Variants in PITPNC1 observed in about 807,000 individuals in gnomAD.
PITPNC1 encodes phosphatidylinositol transfer protein cytoplasmic 1, also known as cytoplasmic phosphatidylinositol transfer protein 1.
A neutral mutation model predicts 44.7 loss-of-function variants in PITPNC1; 18 were observed. The ratio of observed to expected loss-of-function variants is 0.40; its 90% confidence interval spans 0.28 to 0.60. The LOEUF is 0.60. PITPNC1 is among the 20% of genes least tolerant of loss of function. The probability of loss-of-function intolerance (pLI) is 0.39; values close to 1 mark genes in which losing one functional copy is unlikely to be tolerated. For synonymous variants in PITPNC1, 141 were observed against 149.6 expected, an observed-to-expected ratio of 0.94 and a Z score of 0.42; for missense variants, 290 against 418.4, an observed-to-expected ratio of 0.69 and a Z score of 2.68.
intron 6 of PITPNC1, among the ~76,000 whole-genome samples, chr17:67,649,534 CTG>C (rs67611020): frequency 0.055 from 8,435 of 152,260 alleles, 775 homozygotes; most frequent in African/African-American, 0.19. Flanking sequence ...CAATTAGACA[CTG>C]TCTATCTGGA....
chr17:67,477,429 G>C (rs2039646099), intron 1 of PITPNC1, among the ~76,000 whole-genome samples: 1 of 152,044 alleles, frequency 6.6e-6, no homozygotes, highest in Non-Finnish European at 1.5e-5. Flanking sequence ...ATTTTTAGTA[G>C]AGATGGGGTT....
chr17:67,569,981 G>T (rs1260413627), intron 4 of PITPNC1, among the ~76,000 whole-genome samples: 2 of 152,166 alleles, frequency 1.3e-5, no homozygotes, highest in Non-Finnish European at 2.9e-5. Context: ...GGTGGAGAGG[G>T]ACAGAAATGA....
In PITPNC1 at chr17:67,645,928, CA is replaced by C. The variant is rs1298078061; in HGVS notation, c.462+13691del. 2.0e-5 allele frequency among the ~76,000 whole-genome samples: 3 copies of C among 152,206 alleles called. No individual in the cohort carries two copies. In the East Asian group the frequency reaches 5.8e-4, roughly 29 times the overall value. ...TCACTTGAGGCCAAGAGTTCGAGAC[CA>C]GCCTGGCCAACCTGGCAAAAGCCTG... On this transcript the variant is annotated intron_variant, in intron 6 of 8. Coordinates refer to ENST00000581322, the MANE Select transcript of PITPNC1 (RefSeq NM_012417.4).
chr17:67,618,447 G>A (rs1464195127), intron 5 of PITPNC1, among the ~76,000 whole-genome samples: 1 of 149,516 alleles, frequency 6.7e-6, no homozygotes, highest in Non-Finnish European at 1.5e-5. Context: ...TGCATTTTTC[G>A]AATTAAAAAC....
chr17:67,554,824 C>T (rs763104620), intron 4 of PITPNC1, among the ~76,000 whole-genome samples: 2 of 152,196 alleles, frequency 1.3e-5, no homozygotes, highest in African/African-American at 4.8e-5. Context: ...CACTCACTGC[C>T]AGAATTCCTA....
chr17:67,447,233 G>A (rs561150719), intron 1 of PITPNC1, among the ~76,000 whole-genome samples: 12 of 151,812 alleles, frequency 7.9e-5, no homozygotes, highest in South Asian at 6.2e-4. Flanking sequence ...CCCCTAGCTC[G>A]TTCCTTGGAA....
chr17:67,398,107 A>C (rs1030393183), intron 1 of PITPNC1, among the ~76,000 whole-genome samples: 2 of 152,074 alleles, frequency 1.3e-5, no homozygotes, highest in Non-Finnish European at 1.5e-5. Context: ...AAAAAAAAAA[A>C]AAAAGTGTTC....
intron 6 of PITPNC1, among the ~76,000 whole-genome samples, chr17:67,660,698 A>G (rs1357096388): frequency 6.6e-6 from 1 of 151,734 alleles, no homozygotes; most frequent in Non-Finnish European, 1.5e-5. Context: ...GGCACATGCC[A>G]CCACACCTGG....
At chr17:67,671,927 A>ATTATT (rs1238427860) in intron 7 of PITPNC1, among the ~76,000 whole-genome samples, 1 of 151,646 alleles carries the variant, frequency 6.6e-6, no homozygotes, top group Non-Finnish European at 1.5e-5. Context: ...CTATCATAGT[A>ATTATT]TTATTTTGTT....
rs1040359583 is a variant in PITPNC1 at position 67,696,424 on chromosome 17, C to T, written c.*3536C>T. On this transcript the variant is annotated 3_prime_UTR_variant, in exon 9 of 9. Coordinates refer to ENST00000581322, the MANE Select transcript of PITPNC1 (RefSeq NM_012417.4). The stretch of plus-strand genomic sequence containing the variant: ...GGCTTACGTCGATAGGAATTTTACT[C>T]TTAAGAAGGGCCAGTGTATAGCTGA... The T allele has an allele frequency of 6.6e-6, 1 of 152,172 alleles. No individual in the cohort carries two copies. Among genetic ancestry groups the T allele is most frequent in the Non-Finnish European group, 1.5e-5 (1 of 68,042 alleles). The allele number at this position is 152,172 out of a possible 1,614,324, so 9.4% of individuals were successfully genotyped here. A position where few individuals can be genotyped will look rare whatever the true frequency, so the allele number is the denominator to read the frequency against.
intron 6 of PITPNC1, among the ~76,000 whole-genome samples, chr17:67,644,331 A>T (rs2042122619): frequency 6.6e-6 from 1 of 152,162 alleles, no homozygotes; most frequent in Admixed American, 6.5e-5. Flanking sequence ...CAAAGAAGGA[A>T]GCAAGAGCTG....
chr17:67,671,911 G>A (rs2042520437), intron 7 of PITPNC1, among the ~76,000 whole-genome samples: 1 of 152,020 alleles, frequency 6.6e-6, no homozygotes, highest in African/African-American at 2.4e-5. Context: ...CCTCTTACTA[G>A]GGCCACTATC....
chr17:67,451,846 C>T (rs994658317), intron 1 of PITPNC1, among the ~76,000 whole-genome samples: 3 of 151,936 alleles, frequency 2.0e-5, no homozygotes, highest in Non-Finnish European at 2.9e-5. Flanking sequence ...CCATGCTAGC[C>T]AGGATGGTCT....
At chr17:67,519,756 A>T (rs188564404) in intron 1 of PITPNC1, among the ~76,000 whole-genome samples, 91 of 152,286 alleles carry the variant, frequency 6.0e-4, no homozygotes, top group Admixed American at 1.0e-3. Flanking sequence ...GTGAGCAAAG[A>T]TGCTGGAACT....
At chr17:67,403,961 G>T (rs541023534) in intron 1 of PITPNC1, among the ~76,000 whole-genome samples, 2 of 152,334 alleles carry the variant, frequency 1.3e-5, no homozygotes, top group Admixed American at 6.5e-5. Flanking sequence ...GGTGGAGGTT[G>T]CAGTGAGCCG....
intron 1 of PITPNC1, among the ~76,000 whole-genome samples, chr17:67,495,519 C>T (rs568740745): frequency 7.9e-4 from 120 of 152,222 alleles, no homozygotes; most frequent in African/African-American, 1.6e-3. Flanking sequence ...GTTTTCTGAT[C>T]CTCTCCTTCC....
At chr17:67,494,978 CA>C (rs112686327) in intron 1 of PITPNC1, among the ~76,000 whole-genome samples, 2 of 121,472 alleles carry the variant, frequency 1.6e-5, no homozygotes, top group South Asian at 2.6e-4. Context: ...CTCAAACTGG[CA>C]AAAAAAAACA....
Position 67,459,779 on chromosome 17 carries a change from A to G in PITPNC1, c.49-73023A>G, listed in dbSNP as rs559521130. 8.0e-4 allele frequency: 122 copies of G among 152,288 alleles called. 1 individual carries two copies. Among genetic ancestry groups the G allele is most frequent in the African/African-American group, 2.9e-3 (121 of 41,552 alleles). The allele number at this position is 152,288 out of a possible 1,614,324, so 9.4% of individuals were successfully genotyped here. On this transcript the variant is annotated intron_variant, in intron 1 of 8. Coordinates refer to ENST00000581322, the MANE Select transcript of PITPNC1 (RefSeq NM_012417.4). Reference sequence around the variant, plus strand: ...TTATCAGAAAAGCGAAGATTTCGAGATCTTGTTGAGACGGTAGGTATATAG... The same window carrying G: ...TTATCAGAAAAGCGAAGATTTCGAGGTCTTGTTGAGACGGTAGGTATATAG...
chr17:67,449,217 A>G (rs1309309946), intron 1 of PITPNC1, among the ~76,000 whole-genome samples: 2 of 152,208 alleles, frequency 1.3e-5, no homozygotes, highest in Non-Finnish European at 2.9e-5. Context: ...CTGACTTTCT[A>G]AGGAGTGACA....
Sources: gnomAD v4.1 joint callset for allele counts (sites outside exome capture counted in the v4.1 genomes callset) on GRCh38, gnomAD v4.1.1 for gene constraint, MANE v1.5 for transcripts, NCBI Gene and HGNC (gene_info 2026-07-23, HGNC 2026-07-21) for gene names.